ANKRD30B: variants seen among roughly 807,000 people sequenced by gnomAD.
ANKRD30B encodes ankyrin repeat domain-containing protein 30B.
In ANKRD30B, 144 loss-of-function variants were observed where a neutral mutation model predicts 202.2. The observed-to-expected ratio is 0.71, with a 90% CI of 0.62 to 0.82. ANKRD30B has a LOEUF of 0.82. Ranked by LOEUF, ANKRD30B falls within the 40% of genes least tolerant of loss-of-function variation. ANKRD30B has a pLI of 0.00. For missense variants in ANKRD30B, 1,487 were observed against 1,669.1 expected (o/e 0.89, Z 1.90); for synonymous variants, 508 against 561.3 (o/e 0.91, Z 1.34).
At position 14,760,631 on chromosome 18, in the gene ANKRD30B, A is replaced by G; in HGVS notation, c.820+13A>G. ...AATACCAATCCAGGTAAGACTTCGG[A>G]TAGCAAACTACTCTTGATGGTGCTA... is the stretch of plus-strand genomic sequence containing the variant. On this transcript the variant is annotated intron_variant, in intron 6 of 43. Coordinates refer to ENST00000690538, the MANE Select transcript of ANKRD30B (RefSeq NM_001367607.2). 1.3e-6 allele frequency: 2 copies of G among 1,514,310 alleles called. No individual in the cohort carries two copies. Among genetic ancestry groups the G allele is most frequent in the Non-Finnish European group, 1.8e-6 (2 of 1,122,378 alleles). The allele number at this position is 1,514,310 out of a possible 1,614,324, so 93.8% of individuals were successfully genotyped here. A position where few individuals can be genotyped will look rare whatever the true frequency, so the allele number is the denominator to read the frequency against.
intron 20 of ANKRD30B, among the ~76,000 whole-genome samples, chr18:14,798,127 G>A (rs1455207456): frequency 6.6e-6 from 1 of 152,048 alleles, no homozygotes; most frequent in Admixed American, 6.6e-5. Flanking sequence ...TGGATCAGCA[G>A]GTTGAGAAAT....
intron 16 of ANKRD30B, among the ~76,000 whole-genome samples, chr18:14,792,813 T>C (rs1197361103): frequency 1.3e-5 from 2 of 152,032 alleles, no homozygotes; most frequent in Non-Finnish European, 2.9e-5. Context: ...ACCTTGGCTT[T>C]ATTTTTAAGG....
chr18:14,789,544 A>G (rs1232750821), intron 15 of ANKRD30B, among the ~76,000 whole-genome samples: 3 of 152,170 alleles, frequency 2.0e-5, no homozygotes, highest in Non-Finnish European at 4.4e-5. Flanking sequence ...TAAGTCTTTA[A>G]TCCATCTTGA....
At chr18:14,935,633 T>C in the ANKRD30B span, among the ~76,000 whole-genome samples, 2 of 152,214 alleles carry the variant, frequency 1.3e-5, no homozygotes, top group South Asian at 4.1e-4. Flanking sequence ...TGTATTTATA[T>C]GTGTGTGTCT....
At chr18:14,839,784 T>C (rs1348019686) in intron 36 of ANKRD30B, among the ~76,000 whole-genome samples, 2 of 152,218 alleles carry the variant, frequency 1.3e-5, no homozygotes, top group Non-Finnish European at 2.9e-5. Context: ...GCCCTTGTTT[T>C]CCTAAATGAA....
At chr18:14,817,068 TTAAAA>T (rs1346099746) in intron 30 of ANKRD30B, 1 of 152,116 alleles carries the variant, frequency 6.6e-6, no homozygotes, top group East Asian at 1.9e-4. Context: ...AAGTATAATA[TTAAAA>T]TAAAAAATAA....
chr18:14,927,512 C>T, the ANKRD30B span, among the ~76,000 whole-genome samples: 1 of 152,156 alleles, frequency 6.6e-6, no homozygotes, highest in Non-Finnish European at 1.5e-5. Context: ...CCAGCTAAAC[C>T]ATGGACAGCA....
the ANKRD30B span, among the ~76,000 whole-genome samples, chr18:14,927,889 C>T: frequency 1.3e-5 from 2 of 152,166 alleles, no homozygotes; most frequent in Non-Finnish European, 2.9e-5. Context: ...CTCCACCACA[C>T]GTGTGGAATT....
At chr18:14,853,083 T>C (rs1043236749) in intron 42 of ANKRD30B, among the ~76,000 whole-genome samples, 6 of 152,038 alleles carry the variant, frequency 3.9e-5, no homozygotes, top group Middle Eastern at 3.2e-3. Context: ...TTTAGCAATA[T>C]CAAATTTGAT....
chr18:14,805,913 TG>T (rs1396301666), intron 24 of ANKRD30B, among the ~76,000 whole-genome samples: 1 of 150,250 alleles, frequency 6.7e-6, no homozygotes. Context: ...GCGATTAGCT[TG>T]TTTTTCATTT....
At position 14,789,974 on chromosome 18, in the gene ANKRD30B, C is replaced by G. The variant is rs181810530; in HGVS notation, c.1735-1427C>G. Among the ~76,000 whole-genome samples the G allele has an allele frequency of 2.7e-3, 408 of 152,274 alleles. 2 individuals are homozygous for G. The highest frequency in any genetic ancestry group is 5.2e-3 in the Non-Finnish European group (351 of 68,010). ...GGGATGGCACTGAATCTATAAATTA[C>G]TTGGGCAGTATGGCCATTTTCATGA... On this transcript the variant is annotated intron_variant, in intron 15 of 43. Transcript: ENST00000690538.
intron 34 of ANKRD30B, among the ~76,000 whole-genome samples, chr18:14,834,150 T>G (rs1971075279): frequency 6.6e-6 from 1 of 152,188 alleles, no homozygotes. Flanking sequence ...TAAGGTACTA[T>G]TAAAAACTAA....
the ANKRD30B span, among the ~76,000 whole-genome samples, chr18:14,927,478 T>C: frequency 7.2e-5 from 11 of 152,290 alleles, no homozygotes; most frequent in African/African-American, 2.4e-4. Flanking sequence ...CTTCTTTCCT[T>C]AATCTCTTCC....
chr18:14,932,295 G>A, the ANKRD30B span, among the ~76,000 whole-genome samples: 1 of 151,700 alleles, frequency 6.6e-6, no homozygotes, highest in Non-Finnish European at 1.5e-5. Flanking sequence ...GGCCCAGGGA[G>A]CTGGAGAACA....
chr18:14,845,962 T>A (rs1240826297), intron 39 of ANKRD30B, among the ~76,000 whole-genome samples: 1 of 152,174 alleles, frequency 6.6e-6, no homozygotes, highest in African/African-American at 2.4e-5. Flanking sequence ...CCTAATAACG[T>A]CACCTCTGTG....
chr18:14,869,263 A>G, the ANKRD30B span, among the ~76,000 whole-genome samples: 2 of 151,970 alleles, frequency 1.3e-5, no homozygotes, highest in African/African-American at 4.8e-5. Context: ...CCACAAAACA[A>G]TTTCTTCAGT....
At chr18:14,790,974 TC>T in intron 15 of ANKRD30B, among the ~76,000 whole-genome samples, 1 of 152,308 alleles carries the variant, frequency 6.6e-6, no homozygotes, top group African/African-American at 2.4e-5. Context: ...TGGTACCAGT[TC>T]CTCCTTATAC....
chr18:14,852,030 A>G lies in ANKRD30B; in HGVS notation c.4086A>G (p.Pro1362=). The G allele has an allele frequency of 6.2e-7, 1 of 1,604,800 alleles. No homozygotes were observed. Among genetic ancestry groups the G allele is most frequent in the African/African-American group, 1.3e-5 (1 of 74,624 alleles). Reference sequence around the variant, plus strand: ...AAGCTCAAAGGAAATCCAAAAGCCCAAAAATTAATCTCAATTATGCAGGAG... The same window carrying G: ...AAGCTCAAAGGAAATCCAAAAGCCCGAAAATTAATCTCAATTATGCAGGAG... The part of the protein sequence containing the change: ...LYEAQRKSKS[P]KINLNYAGDD... Residue 1362 remains proline, a synonymous_variant, in exon 42 of 44, where the codon CCA becomes CCG. Coordinates refer to ENST00000690538, the MANE Select transcript of ANKRD30B (RefSeq NM_001367607.2).
At chr18:14,796,479 A>G (rs900828927) in intron 18 of ANKRD30B, 64 bp downstream of exon 18, 10 of 1,471,556 alleles carry the variant, frequency 6.8e-6, no homozygotes, top group Non-Finnish European at 8.2e-6. Flanking sequence ...AAATGCCGAG[A>G]GGCTTTTATT....
Sources: gnomAD v4.1 joint callset for allele counts (sites outside exome capture counted in the v4.1 genomes callset) on GRCh38, gnomAD v4.1.1 for gene constraint, MANE v1.5 for transcripts, NCBI Gene and HGNC (gene_info 2026-07-23, HGNC 2026-07-21) for gene names.